TMEM144: variants seen among roughly 807,000 people sequenced by gnomAD.
TMEM144 encodes transmembrane protein 144.
A neutral mutation model predicts 43.6 loss-of-function variants in TMEM144; 39 were observed. The ratio of observed to expected loss-of-function variants is 0.90; its 90% CI spans 0.69 to 1.17. The LOEUF is 1.17. Among genes scored for constraint, TMEM144 ranks in the 50% most tolerant of loss-of-function variants. The pLI, the probability that TMEM144 is intolerant of heterozygous loss-of-function variation, is 0.00. For synonymous variants in TMEM144, 154 were observed against 133.6 expected (o/e 1.15, Z -1.06); for missense variants, 417 against 411.9 (o/e 1.01, Z -0.11).
At position 158,229,693 on chromosome 4, in the gene TMEM144, G is replaced by C. The variant is rs1392557816; in HGVS notation, c.414-3208G>C. On this transcript the variant is annotated intron_variant, in intron 6 of 12. Transcript: ENST00000296529. ...GGTTCTGTCCCTGAGACTCAGGCTA[G>C]AGTTGTTGGAGTTCCTGCAGGGAGG... 2.6e-5 allele frequency among the ~76,000 whole-genome samples: 4 copies of C among 152,198 alleles called. No individual in the cohort carries two copies. The East Asian group carries it at 5.8e-4, about 22-fold the overall frequency.
At chr4:158,218,246 T>A (rs1407292391) in intron 5 of TMEM144, among the ~76,000 whole-genome samples, 4 of 152,172 alleles carry the variant, frequency 2.6e-5, no homozygotes, top group Admixed American at 2.0e-4. Context: ...AGGCTACTCT[T>A]TTGTGCAGTG....
chr4:158,219,735 A>G (rs991705775), intron 6 of TMEM144, among the ~76,000 whole-genome samples: 8 of 152,248 alleles, frequency 5.3e-5, no homozygotes, highest in Non-Finnish European at 8.8e-5. Flanking sequence ...CAGAAAAAGC[A>G]TTCTGCTGGC....
intron 12 of TMEM144, among the ~76,000 whole-genome samples, chr4:158,247,596 A>G (rs1046242108): frequency 4.6e-5 from 7 of 152,126 alleles, no homozygotes; most frequent in Non-Finnish European, 7.4e-5. Flanking sequence ...CCAATGTATC[A>G]CCAACAACCA....
intron 6 of TMEM144, among the ~76,000 whole-genome samples, chr4:158,225,539 G>A (rs1579115615): frequency 6.6e-6 from 1 of 152,166 alleles, no homozygotes; most frequent in Non-Finnish European, 1.5e-5. Context: ...AAATAGATAC[G>A]AGAGTTGAAA....
rs34028119 is a variant in TMEM144 at position 158,232,910 on chromosome 4, AT to A, written c.428del (p.Leu143CysfsTer19). On this transcript the variant is annotated frameshift_variant, in exon 7 of 13. Coordinates refer to ENST00000296529, the MANE Select transcript of TMEM144 (RefSeq NM_018342.5). LOFTEE classifies it high-confidence loss of function. ...TTTATTTTCCTTACAGTGCTTTCATATTTTTGTTCATCAAAAGTGAAATACC... is the reference window on the plus strand; with the variant it reads ...TTTATTTTCCTTACAGTGCTTTCATATTTTGTTCATCAAAAGTGAAATACC... Reference protein sequence around the residue: ...AGLSVVSAFIFLFIKSEIPNN... With the variant: ...AGLSVVSAFIXLFIKSEIPNN... 1 of 1,608,720 alleles carries A rather than the reference AT, an allele frequency of 6.2e-7. No homozygotes were observed. Among genetic ancestry groups the A allele is most frequent in the Non-Finnish European group, 8.5e-7 (1 of 1,177,270 alleles).
At chr4:158,252,807 CAAAAAAAAAAAAA>C (rs57460951) in intron 12 of TMEM144, among the ~76,000 whole-genome samples, 4 of 67,320 alleles carry the variant, frequency 5.9e-5, no homozygotes, top group Non-Finnish European at 1.2e-4. Flanking sequence ...GACTCCGTCT[CAAAAAAAAAAAAA>C]AAGAAAAAAA....
chr4:158,218,325 T>A (rs1310573971), intron 5 of TMEM144, among the ~76,000 whole-genome samples: 1 of 152,134 alleles, frequency 6.6e-6, no homozygotes, highest in Non-Finnish European at 1.5e-5. Context: ...GCATTAAGAT[T>A]AACATTCAAA....
At chr4:158,226,752 C>A (rs993727120) in intron 6 of TMEM144, among the ~76,000 whole-genome samples, 2 of 152,008 alleles carry the variant, frequency 1.3e-5, no homozygotes, top group African/African-American at 4.8e-5. Context: ...TCACAACTTT[C>A]GCCGACAATT....
chr4:158,212,049 C>T (rs1232567438), intron 2 of TMEM144: 2 of 152,170 alleles, frequency 1.3e-5, no homozygotes, highest in Non-Finnish European at 2.9e-5. Flanking sequence ...GATTATTCTG[C>T]TTCTATTCCA....
intron 8 of TMEM144, 134 bp from the exon 9 acceptor site, chr4:158,237,391 C>A: frequency 4.4e-6 from 3 of 674,620 alleles, no homozygotes; most frequent in Non-Finnish European, 7.6e-6. Context: ...CCGCCAGTCA[C>A]AGAGCTTGAG....
chr4:158,244,198 T>C, intron 11 of TMEM144, 98 bp from the exon 12 acceptor site: 1 of 832,960 alleles, frequency 1.2e-6, no homozygotes, highest in Non-Finnish European at 1.7e-6. Context: ...TAGTTTTCCC[T>C]GAAAATATGT....
intron 12 of TMEM144, among the ~76,000 whole-genome samples, chr4:158,249,933 T>TGTGTGTGTG (rs70958884): frequency 3.2e-4 from 43 of 135,948 alleles, no homozygotes; most frequent in Non-Finnish European, 4.0e-4. Context: ...TGTGTGTGTG[T>TGTGTGTGTG]TTAAATAAGC....
intron 6 of TMEM144, among the ~76,000 whole-genome samples, chr4:158,226,770 A>G (rs1734791892): frequency 1.3e-5 from 2 of 152,144 alleles, no homozygotes. Context: ...ATTCTTTGAC[A>G]TGCTTTAACT....
In TMEM144 at chr4:158,228,913, C is replaced by T. The variant is rs994617496; in HGVS notation, c.414-3988C>T. 7.2e-5 allele frequency among the ~76,000 whole-genome samples: 11 copies of T among 151,980 alleles called. No individual in the cohort carries two copies. In the South Asian group the frequency reaches 8.3e-4, roughly 11 times the overall value. On this transcript the variant is annotated intron_variant, in intron 6 of 12. Coordinates refer to ENST00000296529, the MANE Select transcript of TMEM144 (RefSeq NM_018342.5). ...AAGGGCTCACAACTCTAAAGGGGTC[C>T]GCGTGAGAGGGTCGTGATGGATTGA...
Position 158,219,376 on chromosome 4 carries a change from G to C in TMEM144, c.399G>C (p.Gly133=). 6.2e-7 allele frequency: 1 copy of C among 1,613,812 alleles called. No individual in the cohort carries two copies. The highest frequency in any genetic ancestry group is 8.5e-7 in the Non-Finnish European group (1 of 1,179,786). ...SNPLLNYIGA[G]LSVVSAFIFL... ...CGCTGCTAAATTACATTGGAGCTGG[G>C]CTATCAGTAGTAAGGTACACAGTCA... Residue 133 remains glycine (G), a synonymous_variant, in exon 6 of 13, where the codon GGG becomes GGC. Coordinates refer to ENST00000296529, the MANE Select transcript of TMEM144 (RefSeq NM_018342.5).
intron 12 of TMEM144, among the ~76,000 whole-genome samples, chr4:158,253,116 A>C (rs2111160970): frequency 6.6e-6 from 1 of 152,276 alleles, no homozygotes; most frequent in South Asian, 2.1e-4. Context: ...CACACTCTCA[A>C]ACAACCATGG....
Position 158,212,661 on chromosome 4 carries a change from T to C in TMEM144, c.-7T>C, listed in dbSNP as rs768500998. The stretch of plus-strand genomic sequence containing the variant: ...AGTGAACCAGCTAACTCATTAAGAC[T>C]GGAATCATGAGCAACAATGGAGCAG... On this transcript the variant is annotated 5_prime_UTR_variant, in exon 3 of 13. Transcript: ENST00000296529. 6.2e-7 allele frequency: 1 copy of C among 1,603,098 alleles called. No homozygotes were observed. Among genetic ancestry groups the C allele is most frequent in the Non-Finnish European group, 8.5e-7 (1 of 1,174,082 alleles).
chr4:158,225,846 G>A (rs1345144045), intron 6 of TMEM144, among the ~76,000 whole-genome samples: 1 of 152,254 alleles, frequency 6.6e-6, no homozygotes, highest in East Asian at 1.9e-4. Flanking sequence ...TTTAGTGTTG[G>A]GAGATGGAAG....
At position 158,215,093 on chromosome 4, in the gene TMEM144, A is replaced by G. The variant is rs1317438626; in HGVS notation, c.110-98A>G. On this transcript the variant is annotated intron_variant, in intron 3 of 12. Coordinates refer to ENST00000296529, the MANE Select transcript of TMEM144 (RefSeq NM_018342.5). ...GTCCATGGCATATGGCATTTAATAA[A>G]TTGTGGCCATTCCTGTAATATCACC... The G allele has an allele frequency of 2.0e-6, 3 of 1,473,668 alleles. No homozygotes were observed. The African/African-American group carries it at 4.2e-5, about 21-fold the overall frequency. The allele number at this position is 1,473,668 out of a possible 1,614,324, so 91.3% of individuals were successfully genotyped here.
Sources: allele counts gnomAD v4.1 joint callset (sites outside exome capture counted in the v4.1 genomes callset), GRCh38; gene constraint gnomAD v4.1.1; transcripts MANE v1.5; gene names NCBI Gene and HGNC (gene_info 2026-07-23, HGNC 2026-07-21).